CHD2: variants seen among roughly 807,000 people sequenced by gnomAD.
CHD2 encodes the protein ATP-dependent chromatin remodeler CHD2.
Under a neutral mutation model 243.9 loss-of-function variants are expected in CHD2, and 28 were observed. That is an observed-to-expected ratio of 0.11 (90% CI 0.09 to 0.16). The LOEUF (loss-of-function observed/expected upper bound fraction) is 0.16. Ranked by LOEUF, CHD2 falls within the 10% of genes least tolerant of loss-of-function variation. The pLI is 1.00. For synonymous variants in CHD2, 775 were observed against 779.0 expected, an observed-to-expected ratio of 0.99 and a Z score of 0.09; for missense variants, 1,386 against 2,209.8, an observed-to-expected ratio of 0.63 and a Z score of 7.47.
At chr15:92,963,982 A>T (rs561571146) in intron 16 of CHD2, among the ~76,000 whole-genome samples, 7 of 152,340 alleles carry the variant, frequency 4.6e-5, no homozygotes, top group Admixed American at 1.3e-4. Flanking sequence ...GCTGAAGTGG[A>T]TGGTAGGGAT....
At chr15:92,918,733 G>A (rs981476916) in intron 2 of CHD2, among the ~76,000 whole-genome samples, 4 of 151,242 alleles carry the variant, frequency 2.6e-5, no homozygotes, top group Non-Finnish European at 4.4e-5. Flanking sequence ...AGTCTTTTAG[G>A]AAATGTCGTT....
chr15:92,910,188 TG>T (rs2052705678), intron 2 of CHD2, among the ~76,000 whole-genome samples: 1 of 151,938 alleles, frequency 6.6e-6, no homozygotes, highest in African/African-American at 2.4e-5. Flanking sequence ...TTGAATTTTT[TG>T]TAGAGAGGGG....
At chr15:92,955,711 A>G (rs2053609668) in intron 15 of CHD2, among the ~76,000 whole-genome samples, 199 bp downstream of exon 15, 1 of 152,252 alleles carries the variant, frequency 6.6e-6, no homozygotes, top group East Asian at 1.9e-4. Context: ...ATGAACAACC[A>G]GAAAAATTAC....
chr15:93,004,206 A>G (rs2054292262), intron 33 of CHD2, among the ~76,000 whole-genome samples: 1 of 152,114 alleles, frequency 6.6e-6, no homozygotes, highest in Admixed American at 6.5e-5. Flanking sequence ...AGATTTGTAT[A>G]GAGTTCATTT....
rs1195911570 is a variant in CHD2 at position 93,024,794 on chromosome 15, A to G, written c.*89A>G. On this transcript the variant is annotated 3_prime_UTR_variant, in exon 39 of 39. Transcript: ENST00000394196. ...ACAGTAGCCGGTTATCTAGACCAGT[A>G]AGTGGAGTTTTGGACATGCTGCTGC... 8.6e-7 allele frequency: 1 copy of G among 1,160,378 alleles called. No homozygotes were observed. The highest frequency in any genetic ancestry group is 1.2e-6 in the Non-Finnish European group (1 of 826,276). The allele number at this position is 1,160,378 out of a possible 1,614,324, so 71.9% of individuals were successfully genotyped here.
chr15:92,921,167 C>G (rs1251269747), intron 2 of CHD2, among the ~76,000 whole-genome samples: 2 of 151,734 alleles, frequency 1.3e-5, no homozygotes, highest in Non-Finnish European at 2.9e-5. Context: ...GATAGGAGAC[C>G]AAAGGATGTT....
Position 93,020,188 on chromosome 15 carries a change from T to C in CHD2, c.5083T>C (p.Ser1695Pro), listed in dbSNP as rs757945055. ...RSGSYRPNNM[S>P]RKRPYDQYSS... The stretch of plus-strand genomic sequence containing the variant: ...CGGAAGCTATCGACCCAACAACATG[T>C]CCAGAAAGAGGCCTTATGACCAGTA... Residue 1695 changes from serine (S) to proline (P), a missense_variant, in exon 38 of 39, where the codon TCC (serine) becomes CCC (proline). Physicochemically the swap from Ser to Pro is moderately conservative, Grantham distance 74 (BLOSUM62 -1). Coordinates refer to ENST00000394196, the MANE Select transcript of CHD2 (RefSeq NM_001271.4). The C allele has an allele frequency of 3.7e-5, 60 of 1,613,832 alleles. No homozygotes were observed. The highest frequency in any genetic ancestry group is 4.7e-5 in the Non-Finnish European group (56 of 1,179,992).
chr15:93,000,469 G>T, intron 31 of CHD2, 43 bp from the exon 32 acceptor site: 1 of 1,573,198 alleles, frequency 6.4e-7, no homozygotes. Context: ...GCTTTTGAGT[G>T]TCTTGATTTG....
intron 19 of CHD2, among the ~76,000 whole-genome samples, chr15:92,973,649 CA>C (rs1555442444): frequency 2.0e-5 from 3 of 152,172 alleles, no homozygotes; most frequent in Non-Finnish European, 4.4e-5. Context: ...TGCTTGTTAT[CA>C]AGAAACAGCC....
At position 92,929,101 on chromosome 15, in the gene CHD2, T is replaced by C. The variant is rs2141755364; in HGVS notation, c.443+10T>C. On this transcript the variant is annotated intron_variant, in intron 5 of 38. Coordinates refer to ENST00000394196, the MANE Select transcript of CHD2 (RefSeq NM_001271.4). ...GGCAGCTGAAAAAACAGTAAGTCTT[T>C]CATGGGGGAAATTATTCAATCTAGT... is the stretch of plus-strand genomic sequence containing the variant. The C allele has an allele frequency of 6.3e-7, 1 of 1,598,450 alleles. No individual in the cohort carries two copies. The highest frequency in any genetic ancestry group is 2.3e-5 in the East Asian group (1 of 44,336).
rs199958087 is a variant in CHD2 at position 92,991,526 on chromosome 15, A to C, written c.3455+9A>C. 20 of 1,597,714 alleles carry C rather than the reference A, an allele frequency of 1.3e-5. No individual in the cohort carries two copies. In the Admixed American group the frequency reaches 1.9e-4, roughly 15 times the overall value. On this transcript the variant is annotated intron_variant, in intron 27 of 38. Coordinates refer to ENST00000394196, the MANE Select transcript of CHD2 (RefSeq NM_001271.4). ...GGTCTCCCTCTTGAACGGTAAGTTC[A>C]GTGTAATAGTCCCTTATCTTCCTCT... is the stretch of plus-strand genomic sequence containing the variant.
At position 93,025,618 on chromosome 15, in the gene CHD2, T is replaced by G. The variant is rs1459887204; in HGVS notation, c.*913T>G. ...ATCCCTGGTGGATTTCTGATTCCTGTGGTGAGAAGGAAAGCTACAGGACCT... is the reference window on the plus strand; with the variant it reads ...ATCCCTGGTGGATTTCTGATTCCTGGGGTGAGAAGGAAAGCTACAGGACCT... On this transcript the variant is annotated 3_prime_UTR_variant, in exon 39 of 39. Coordinates refer to ENST00000394196, the MANE Select transcript of CHD2 (RefSeq NM_001271.4). 1 of 152,308 alleles carries G rather than the reference T, an allele frequency of 6.6e-6. No homozygotes were observed. The highest frequency in any genetic ancestry group is 2.4e-5 in the African/African-American group (1 of 41,358). 9.4% of individuals were successfully genotyped at this position (152,308 alleles called of 1,614,324 possible).
chr15:92,906,542 C>T (rs1395458007), intron 2 of CHD2, among the ~76,000 whole-genome samples: 1 of 152,100 alleles, frequency 6.6e-6, no homozygotes, highest in East Asian at 1.9e-4. Flanking sequence ...CCTGAGACCA[C>T]CTGGTATTTC....
intron 5 of CHD2, among the ~76,000 whole-genome samples, chr15:92,934,513 A>G (rs185268407): frequency 2.4e-4 from 37 of 152,312 alleles, no homozygotes; most frequent in African/African-American, 8.7e-4. Context: ...ATCTTAAACT[A>G]TTCTTTATTG....
At chr15:92,963,778 C>G (rs1228872618) in intron 16 of CHD2, among the ~76,000 whole-genome samples, 1 of 152,140 alleles carries the variant, frequency 6.6e-6, no homozygotes, top group African/African-American at 2.4e-5. Flanking sequence ...AGGCCAGTGT[C>G]CTTTGAACTT....
chr15:92,991,607 T>A, intron 27 of CHD2, 90 bp downstream of exon 27: 1 of 864,168 alleles, frequency 1.2e-6, no homozygotes, highest in Non-Finnish European at 1.8e-6. Context: ...CATTTAATAC[T>A]AATGCTGGGA....
intron 13 of CHD2, among the ~76,000 whole-genome samples, chr15:92,950,765 A>AC (rs1469738451): frequency 6.6e-6 from 1 of 151,790 alleles, no homozygotes; most frequent in Non-Finnish European, 1.5e-5. Context: ...AAAAAAAAAA[A>AC]AGGACAGCTT....
chr15:92,981,674 C>G (rs576156958), intron 24 of CHD2, among the ~76,000 whole-genome samples: 4 of 152,288 alleles, frequency 2.6e-5, no homozygotes, highest in Admixed American at 1.3e-4. Flanking sequence ...TATGTAGAGT[C>G]AGTGTGTGGC....
In CHD2 at chr15:92,939,638, G is replaced by T; in HGVS notation, c.612G>T (p.Lys204Asn). The T allele has an allele frequency of 6.2e-7, 1 of 1,614,124 alleles. No homozygotes were observed. ...AGACTCAGCGTGGAAAGAGAAAAAA[G>T]CAAGATTCTTCTGATGAGGATGATG... ...QPKTQRGKRK[K>N]QDSSDEDDDD... The change falls in exon 7 of 39, where the codon AAG becomes AAT. Residue 204 changes from lysine to asparagine, a missense_variant. Transcript: ENST00000394196.
Sources: gnomAD v4.1 joint callset for allele counts (sites outside exome capture counted in the v4.1 genomes callset) on GRCh38, gnomAD v4.1.1 for gene constraint, MANE v1.5 for transcripts, NCBI Gene and HGNC (gene_info 2026-07-23, HGNC 2026-07-21) for gene names.